Variants in DNAH8 observed in about 807,000 individuals in gnomAD.
The protein encoded by DNAH8 is dynein axonemal heavy chain 8.
Under a neutral mutation model 562.1 loss-of-function variants are expected in DNAH8, and 382 were observed. That is an observed-to-expected ratio of 0.68 (90% confidence interval 0.63 to 0.74). The LOEUF is 0.74. Among genes scored for constraint, DNAH8 ranks in the 30% least tolerant of loss-of-function variants. The probability of loss-of-function intolerance (pLI) is 0.00; values close to 1 mark genes in which losing one functional copy is unlikely to be tolerated. For missense variants in DNAH8, 5,203 were observed against 5,620.4 expected (o/e 0.93, Z 2.37); for synonymous variants, 1,881 against 1,919.4 (o/e 0.98, Z 0.52).
At chr6:38,781,061 T>C (rs1264335267) in intron 15 of DNAH8, among the ~76,000 whole-genome samples, 193 bp from the exon 16 acceptor site, 2 of 151,982 alleles carry the variant, frequency 1.3e-5, no homozygotes, top group African/African-American at 4.8e-5. Flanking sequence ...GAAGAGAAAA[T>C]TAAGTGTCGT....
intron 89 of DNAH8, among the ~76,000 whole-genome samples, chr6:39,010,814 CACACACGTATGTAT>C (rs1343194532): frequency 7.5e-6 from 1 of 134,134 alleles, no homozygotes; most frequent in Non-Finnish European, 1.6e-5. Flanking sequence ...CACACACACA[CACACACGTATGTAT>C]GTATGTATGT....
At position 38,864,045 on chromosome 6, in the gene DNAH8, A is replaced by G. The variant is rs1169387109; in HGVS notation, c.6483A>G (p.Gly2161=). 5 of 1,608,332 alleles carry G rather than the reference A, an allele frequency of 3.1e-6. No individual in the cohort carries two copies. The African/African-American group carries it at 6.7e-5, about 22-fold the overall frequency. ...GTGTTGATTTAAATCCAGAATTTGG[A>G]ATCTTCTTAACGATGGTGAGAAAAA... ...GDCVDLNPEF[G]IFLTMNPGYA... Residue 2161 remains glycine, a synonymous_variant, in exon 45 of 93, where the codon GGA becomes GGG. Transcript: ENST00000327475.
intron 76 of DNAH8, among the ~76,000 whole-genome samples, chr6:38,933,440 G>T (rs1278028164): frequency 6.6e-6 from 1 of 152,064 alleles, no homozygotes; most frequent in Non-Finnish European, 1.5e-5. Flanking sequence ...GGAGACCAAA[G>T]AAAATAAGGG....
chr6:38,964,695 T>C (rs959279117), intron 82 of DNAH8, among the ~76,000 whole-genome samples: 1 of 152,028 alleles, frequency 6.6e-6, no homozygotes, highest in Non-Finnish European at 1.5e-5. Context: ...CGTGCTGCCA[T>C]TAAAAACTGT....
intron 43 of DNAH8, 109 bp from the exon 44 acceptor site, chr6:38,862,171 C>A: frequency 1.1e-6 from 1 of 932,260 alleles, no homozygotes; most frequent in African/African-American, 1.7e-5. Flanking sequence ...GTGGGCTACT[C>A]AGACTCTAAA....
chr6:38,848,440 A>G (rs1775471046), intron 36 of DNAH8, among the ~76,000 whole-genome samples: 1 of 152,186 alleles, frequency 6.6e-6, no homozygotes, highest in Admixed American at 6.5e-5. Context: ...GACACATGGG[A>G]ACAATAAGTA....
At chr6:38,840,908 A>AT (rs1012898914) in intron 33 of DNAH8, among the ~76,000 whole-genome samples, 87 of 150,606 alleles carry the variant, frequency 5.8e-4, no homozygotes, top group African/African-American at 1.7e-3. Flanking sequence ...TGCAGTAGTC[A>AT]TTTTTTTTTC....
intron 88 of DNAH8, among the ~76,000 whole-genome samples, chr6:39,007,449 C>T (rs1221004757): frequency 2.0e-5 from 3 of 152,098 alleles, no homozygotes; most frequent in Non-Finnish European, 4.4e-5. Flanking sequence ...GGACAAGAGA[C>T]AAAATTAGCA....
At chr6:38,904,114 C>T (rs1359262718) in intron 62 of DNAH8, among the ~76,000 whole-genome samples, 1 of 152,038 alleles carries the variant, frequency 6.6e-6, no homozygotes. Context: ...TTACTTTTAA[C>T]CAATTCTGTA....
intron 82 of DNAH8, among the ~76,000 whole-genome samples, chr6:38,961,635 C>CAA (rs1186795662): frequency 8.6e-4 from 130 of 151,990 alleles, no homozygotes; most frequent in African/African-American, 3.1e-3. Flanking sequence ...CTATAAAAGC[C>CAA]ATTTTATAAA....
rs1474700081 is a variant in DNAH8, at chr6:38,906,295, T to C, written c.9236T>C (p.Leu3079Ser). 3 of 1,606,206 alleles carry C rather than the reference T, an allele frequency of 1.9e-6. No homozygotes were observed. The Admixed American group carries it at 5.0e-5, about 27-fold the overall frequency. ...VTNLTDDLKA[L>S]YKVAGADGKG... The stretch of plus-strand genomic sequence containing the variant: ...AATCTAACAGATGATTTAAAAGCTT[T>C]GTACAAAGTTGCTGGTGCTGATGGA... Residue 3079 changes from leucine (L) to serine (S), a missense_variant, in exon 63 of 93, where the codon TTG becomes TCG. Leu to Ser is a moderately radical substitution (Grantham distance 145). This residue lies in a region of DNAH8 where 977 missense variants were observed against 1,061.8 expected (regional missense o/e 0.92). Coordinates refer to ENST00000327475, the MANE Select transcript of DNAH8 (RefSeq NM_001206927.2).
At chr6:38,756,727 G>A (rs566502955) in intron 10 of DNAH8, among the ~76,000 whole-genome samples, 1 of 146,868 alleles carries the variant, frequency 6.8e-6, no homozygotes, top group South Asian at 2.1e-4. Context: ...GTGTCCGTGT[G>A]TTCTCATTGT....
At chr6:38,889,098 C>T (rs529605298) in intron 57 of DNAH8, among the ~76,000 whole-genome samples, 3 of 152,302 alleles carry the variant, frequency 2.0e-5, no homozygotes, top group African/African-American at 7.2e-5. Flanking sequence ...GCAGCGTACA[C>T]AATGGCAAAA....
chr6:38,871,880 AG>A (rs1561792607), intron 49 of DNAH8, among the ~76,000 whole-genome samples: 1 of 152,188 alleles, frequency 6.6e-6, no homozygotes, highest in Non-Finnish European at 1.5e-5. Flanking sequence ...AGGAAAGTCA[AG>A]CTTGCCTGGT....
At chr6:38,963,227 A>T (rs1311186082) in intron 82 of DNAH8, among the ~76,000 whole-genome samples, 1 of 146,890 alleles carries the variant, frequency 6.8e-6, no homozygotes, top group Non-Finnish European at 1.5e-5. Flanking sequence ...ATTCCACTTC[A>T]GTGGGAGACA....
In DNAH8 at chr6:38,758,795, T is replaced by G. The variant is rs1766187265; in HGVS notation, c.1515+2716T>G. 2.0e-5 allele frequency among the ~76,000 whole-genome samples: 3 copies of G among 152,154 alleles called. No homozygotes were observed. In the South Asian group the frequency reaches 6.2e-4, roughly 32 times the overall value. ...GCATCTGTTGAGATAATCATGTGGT[T>G]TTTGTCTTTGGTTCTGTTTATATGC... On this transcript the variant is annotated intron_variant, in intron 10 of 92. Transcript: ENST00000327475.
intron 88 of DNAH8, among the ~76,000 whole-genome samples, chr6:39,007,156 G>T (rs1335707562): frequency 6.6e-6 from 1 of 152,076 alleles, no homozygotes; most frequent in Non-Finnish European, 1.5e-5. Context: ...AGTTTTAGTT[G>T]TTTCAGAAGG....
rs56804430 is a variant in DNAH8, at chr6:38,741,462, CA to C, written c.1117-238del. ...ACCAAAAAACTACCTCCCCCCCGAC[CA>C]AAAAAAAAAACCCAAAATAAATAAG... On this transcript the variant is annotated intron_variant, in intron 7 of 92. Transcript: ENST00000327475. 0.32 allele frequency among the ~76,000 whole-genome samples: 46,382 copies of C among 145,124 alleles called. 7,909 individuals carry two copies. The highest frequency in any genetic ancestry group is 0.4 in the Middle Eastern group (115 of 286).
intron 91 of DNAH8, among the ~76,000 whole-genome samples, chr6:39,025,166 G>A (rs970633354): frequency 1.3e-5 from 2 of 152,188 alleles, no homozygotes; most frequent in African/African-American, 4.8e-5. Flanking sequence ...GTGTGTGTGT[G>A]CTGTTCCTTT....
Sources: gnomAD v4.1 joint callset for allele counts (sites outside exome capture counted in the v4.1 genomes callset) on GRCh38, gnomAD v4.1.1 for gene constraint, gnomAD v4.1.1 regional missense constraint, MANE v1.5 for transcripts, NCBI Gene and HGNC (gene_info 2026-07-23, HGNC 2026-07-21) for gene names.